Variants in RPH3A observed in about 807,000 individuals in gnomAD.
RPH3A encodes rabphilin 3A, also known as rabphilin-3A.
A neutral mutation model predicts 102.2 loss-of-function variants in RPH3A; 48 were observed. That is an observed-to-expected ratio of 0.47 (90% CI 0.37 to 0.60). The LOEUF (loss-of-function observed/expected upper bound fraction) is 0.60, where lower values mean the gene tolerates loss of function less well. RPH3A is among the 20% of genes least tolerant of loss of function. The probability of loss-of-function intolerance (pLI) is 0.00; values close to 1 mark genes in which losing one functional copy is unlikely to be tolerated. For missense variants in RPH3A, 781 were observed against 910.1 expected, an observed-to-expected ratio of 0.86 and a Z score of 1.83; for synonymous variants, 310 against 324.3, an observed-to-expected ratio of 0.96 and a Z score of 0.47.
chr12:112,579,546 A>G (rs1012096985), intron 1 of RPH3A, among the ~76,000 whole-genome samples: 6 of 152,176 alleles, frequency 3.9e-5, no homozygotes, highest in Non-Finnish European at 7.3e-5. Flanking sequence ...TGGTAAAGCC[A>G]TTACATTTAA....
chr12:112,782,274 A>G (rs1009917122), intron 1 of RPH3A, among the ~76,000 whole-genome samples: 2 of 152,244 alleles, frequency 1.3e-5, no homozygotes, highest in South Asian at 2.1e-4. Context: ...ATGGGGATTA[A>G]TTTTAGGATC....
At chr12:112,664,634 G>A (rs1159375168) in intron 1 of RPH3A, among the ~76,000 whole-genome samples, 1 of 152,012 alleles carries the variant, frequency 6.6e-6, no homozygotes, top group African/African-American at 2.4e-5. Context: ...GGGAAAGAGA[G>A]AGAGGGGCTG....
At chr12:112,878,875 A>AT (rs1475175806) in intron 13 of RPH3A, among the ~76,000 whole-genome samples, 1 of 152,220 alleles carries the variant, frequency 6.6e-6, no homozygotes, top group African/African-American at 2.4e-5. Flanking sequence ...GGGGTTCTCA[A>AT]TCTATCAGGA....
At chr12:112,677,399 CTCCCTCCCTCCT>C (rs1566254410) in intron 1 of RPH3A, among the ~76,000 whole-genome samples, 1 of 70,482 alleles carries the variant, frequency 1.4e-5, no homozygotes, top group African/African-American at 5.5e-5. Flanking sequence ...CCCTCCCTCC[CTCCCTCCCTCCT>C]TCCCTCCTTC....
At chr12:112,877,489 G>A (rs1389613533) in intron 13 of RPH3A, among the ~76,000 whole-genome samples, 2 of 149,268 alleles carry the variant, frequency 1.3e-5, no homozygotes, top group African/African-American at 5.0e-5. Flanking sequence ...TAACCCTGGT[G>A]TGCCTGGGGC....
intron 1 of RPH3A, among the ~76,000 whole-genome samples, chr12:112,657,285 C>T (rs566142786): frequency 5.3e-5 from 8 of 151,486 alleles, no homozygotes; most frequent in South Asian, 2.1e-4. Context: ...TTTTTAATGG[C>T]GTTATTTTTT....
intron 2 of RPH3A, among the ~76,000 whole-genome samples, chr12:112,824,825 G>A (rs557258926): frequency 1.3e-5 from 2 of 152,134 alleles, no homozygotes; most frequent in African/African-American, 2.4e-5. Context: ...CCTGGTGTGC[G>A]TGACTGAACA....
At chr12:112,670,111 CA>C (rs1334754946) in intron 1 of RPH3A, among the ~76,000 whole-genome samples, 1 of 152,150 alleles carries the variant, frequency 6.6e-6, no homozygotes, top group Non-Finnish European at 1.5e-5. Context: ...TAGACATTGC[CA>C]AAAACCTTCT....
In RPH3A at chr12:112,890,815, TC is replaced by T. The variant is rs375303164; in HGVS notation, c.1621-32del. The T allele has an allele frequency of 1.8e-4, 286 of 1,605,872 alleles. 2 individuals carry two copies. The African/African-American group carries it at 3.2e-3, about 18-fold the overall frequency. On this transcript the variant is annotated intron_variant, in intron 18 of 21. Transcript: ENST00000389385. Reference sequence around the variant, plus strand: ...ATTCACATTTCCTGGCCCCCTCCCCTCCAAGGCCCACACTGCCTTTTCCCCC... The same window carrying T: ...ATTCACATTTCCTGGCCCCCTCCCCTCAAGGCCCACACTGCCTTTTCCCCC...
At chr12:112,658,739 G>A (rs1330481603) in intron 1 of RPH3A, among the ~76,000 whole-genome samples, 1 of 152,192 alleles carries the variant, frequency 6.6e-6, no homozygotes, top group Non-Finnish European at 1.5e-5. Flanking sequence ...GAAAACAAAT[G>A]TTTTGCTGTA....
chr12:112,881,011 GGTGGAAGAAAATCCTCATATAA>G (rs1339087092), intron 14 of RPH3A, among the ~76,000 whole-genome samples: 9 of 152,254 alleles, frequency 5.9e-5, no homozygotes, highest in African/African-American at 1.9e-4. Context: ...GGGTGGCAGA[GGTGGAAGAAAATCCTCATATAA>G]GTGGACCCAC....
At chr12:112,764,421 A>G (rs1459650079) in intron 1 of RPH3A, among the ~76,000 whole-genome samples, 1 of 152,190 alleles carries the variant, frequency 6.6e-6, no homozygotes, top group African/African-American at 2.4e-5. Flanking sequence ...CAGAGGGAAT[A>G]GGTGGTAAAT....
chr12:112,612,462 T>C (rs1022732320), intron 1 of RPH3A, among the ~76,000 whole-genome samples: 4 of 152,196 alleles, frequency 2.6e-5, no homozygotes, highest in East Asian at 1.9e-4. Flanking sequence ...TCACCTGTGA[T>C]TGGGGTTCTC....
intron 1 of RPH3A, among the ~76,000 whole-genome samples, chr12:112,694,644 GCACACGCACACACACACACA>G (rs1485965958): frequency 7.9e-6 from 1 of 126,940 alleles, no homozygotes; most frequent in African/African-American, 2.8e-5. Flanking sequence ...GCGCGCGCGC[GCACACGCACACACACACACA>G]CACACACACA....
At chr12:112,684,553 C>A (rs1231824221) in intron 1 of RPH3A, among the ~76,000 whole-genome samples, 2 of 152,146 alleles carry the variant, frequency 1.3e-5, no homozygotes, top group Non-Finnish European at 2.9e-5. Context: ...CAGGCATGAG[C>A]AACCACACCT....
intron 1 of RPH3A, among the ~76,000 whole-genome samples, chr12:112,619,590 A>G (rs1419885112): frequency 6.6e-6 from 1 of 152,082 alleles, no homozygotes; most frequent in Non-Finnish European, 1.5e-5. Flanking sequence ...GCCTAATTCT[A>G]TGTTAAATAT....
chr12:112,640,759 T>C (rs1209299842), intron 1 of RPH3A, among the ~76,000 whole-genome samples: 1 of 151,636 alleles, frequency 6.6e-6, no homozygotes, highest in Non-Finnish European at 1.5e-5. Context: ...GGGCATGGAG[T>C]GGAGGAGTGT....
chr12:112,711,319 C>A (rs2040459933), intron 1 of RPH3A, among the ~76,000 whole-genome samples: 1 of 152,046 alleles, frequency 6.6e-6, no homozygotes, highest in South Asian at 2.1e-4. Flanking sequence ...TCACTTTGAT[C>A]ATTTGTGCTG....
In RPH3A at chr12:112,651,376, AC is replaced by A. The variant is rs527440615; in HGVS notation, c.-140+76062del. On this transcript the variant is annotated intron_variant, in intron 1 of 21. Coordinates refer to the RPH3A transcript ENST00000543106. ...ACAGTAAGACCTCGTTACCAAAAAAACCCCCAAAAAACAAACAAACAAACAA... is the reference window on the plus strand; with the variant it reads ...ACAGTAAGACCTCGTTACCAAAAAAACCCCAAAAAACAAACAAACAAACAA... 5.4e-3 allele frequency among the ~76,000 whole-genome samples: 678 copies of A among 126,266 alleles called. 6 individuals carry two copies. Among genetic ancestry groups the A allele is most frequent in the African/African-American group, 0.016 (636 of 40,176 alleles). 82.8% of individuals were successfully genotyped at this position (126,266 alleles called of 152,430 possible). A position where few individuals can be genotyped will look rare whatever the true frequency, so the allele number is the denominator to read the frequency against.
Sources: allele counts gnomAD v4.1 joint callset (sites outside exome capture counted in the v4.1 genomes callset), GRCh38; gene constraint gnomAD v4.1.1; transcripts MANE v1.5; gene names NCBI Gene and HGNC (gene_info 2026-07-23, HGNC 2026-07-21).